IGFBP7: variants seen among roughly 807,000 people sequenced by gnomAD.
The protein encoded by IGFBP7 is insulin like growth factor binding protein 7, also known as insulin-like growth factor-binding protein 7.
In IGFBP7, 31 loss-of-function variants were observed where a neutral mutation model predicts 29.4. The observed-to-expected ratio is 1.05, with a 90% CI of 0.79 to 1.42. IGFBP7 has a LOEUF of 1.42. IGFBP7 is among the 40% of genes most tolerant of loss of function. IGFBP7 has a pLI of 0.00. For missense variants in IGFBP7, 393 were observed against 395.5 expected, an observed-to-expected ratio of 0.99 and a Z score of 0.05; for synonymous variants, 172 against 174.9, an observed-to-expected ratio of 0.98 and a Z score of 0.13.
At chr4:57,064,784 A>C (rs536281493) in intron 1 of IGFBP7, among the ~76,000 whole-genome samples, 10 of 152,358 alleles carry the variant, frequency 6.6e-5, no homozygotes, top group African/African-American at 2.4e-4. Flanking sequence ...GCCTCAGCTC[A>C]TTCCTAGATA....
chr4:57,038,922 C>T (rs1326882776), intron 2 of IGFBP7, among the ~76,000 whole-genome samples: 1 of 151,936 alleles, frequency 6.6e-6, no homozygotes, highest in Admixed American at 6.6e-5. Context: ...CAAAGTTAGC[C>T]AGGCGTGGTG....
At chr4:57,108,165 C>T (rs1726081676) in intron 1 of IGFBP7, among the ~76,000 whole-genome samples, 1 of 152,146 alleles carries the variant, frequency 6.6e-6, no homozygotes, top group Admixed American at 6.6e-5. Context: ...TTTTGGGTTG[C>T]AATTTTCTAA....
intron 1 of IGFBP7, among the ~76,000 whole-genome samples, chr4:57,043,885 A>G (rs1460001092): frequency 1.3e-5 from 2 of 152,062 alleles, no homozygotes; most frequent in Admixed American, 1.3e-4. Flanking sequence ...GGGCTATGGG[A>G]CCCCAAGGGT....
intron 1 of IGFBP7, among the ~76,000 whole-genome samples, chr4:57,060,778 G>A (rs376893217): frequency 6.6e-6 from 1 of 152,196 alleles, no homozygotes; most frequent in African/African-American, 2.4e-5. Flanking sequence ...AATTAGCCAG[G>A]CGTGGTGGTG....
chr4:57,068,168 T>C (rs1244344082), intron 1 of IGFBP7, among the ~76,000 whole-genome samples: 1 of 151,814 alleles, frequency 6.6e-6, no homozygotes, highest in African/African-American at 2.4e-5. Context: ...TGCATGCCTA[T>C]AGTCCTAGAT....
At chr4:57,067,037 C>A (rs1323490741) in intron 1 of IGFBP7, among the ~76,000 whole-genome samples, 2 of 148,780 alleles carry the variant, frequency 1.3e-5, no homozygotes, top group Non-Finnish European at 3.0e-5. Context: ...GGGTAAAAAA[C>A]CAAAAACAAA....
chr4:57,074,058 TCTCTCTCTC>T (rs386674695), intron 1 of IGFBP7, among the ~76,000 whole-genome samples: 8 of 148,734 alleles, frequency 5.4e-5, no homozygotes, highest in Non-Finnish European at 1.1e-4. Flanking sequence ...TCTCTCTCTC[TCTCTCTCTC>T]TTTTTTCTTT....
intron 1 of IGFBP7, among the ~76,000 whole-genome samples, chr4:57,051,477 A>G (rs28507738): frequency 6.6e-6 from 1 of 152,238 alleles, no homozygotes; most frequent in Non-Finnish European, 1.5e-5. Context: ...AGTCATTTCC[A>G]CTTTAGTGTG....
Position 57,030,911 on chromosome 4 carries a change from C to A in IGFBP7, c.*406G>T. On this transcript the variant is annotated 3_prime_UTR_variant, in exon 5 of 5. Transcript: ENST00000295666. ...TTTTTCTTTTCAGATTTCTTTGGTG[C>A]GAATGCCTTACGCATGCAAACTATT... 1.9e-6 allele frequency: 3 copies of A among 1,601,390 alleles called. No homozygotes were observed. Among genetic ancestry groups the A allele is most frequent in the Non-Finnish European group, 2.6e-6 (3 of 1,168,448 alleles).
In IGFBP7 at chr4:57,109,507, A is replaced by G. The variant is rs146109239; in HGVS notation, c.475+370T>C. On this transcript the variant is annotated intron_variant, in intron 1 of 4. Transcript: ENST00000295666. Reference sequence around the variant, plus strand: ...CTCCTTTCCCCCATCTCTTGACTTCACCTCTCTCTACATCCCCAAGCCAAG... The same window carrying G: ...CTCCTTTCCCCCATCTCTTGACTTCGCCTCTCTCTACATCCCCAAGCCAAG... Among the ~76,000 whole-genome samples the G allele has an allele frequency of 1.2e-3, 176 of 152,102 alleles. 1 individual carries two copies. Among genetic ancestry groups the G allele is most frequent in the African/African-American group, 3.8e-3 (159 of 41,498 alleles).
rs554414726 is a variant in IGFBP7 at position 57,098,820 on chromosome 4, A to G, written c.475+11057T>C. ...CTTTGGAAGCCAGGGGTGCAGTGTA[A>G]TTGCTGCATCTGCTATTGAAATTCA... On this transcript the variant is annotated intron_variant, in intron 1 of 4. Coordinates refer to ENST00000295666, the MANE Select transcript of IGFBP7 (RefSeq NM_001553.3). Among the ~76,000 whole-genome samples, 5 of 152,282 alleles carry G rather than the reference A, an allele frequency of 3.3e-5. 1 individual carries two copies. In the East Asian group the frequency reaches 9.7e-4, roughly 29 times the overall value.
At chr4:57,087,000 C>T (rs757713541) in intron 1 of IGFBP7, among the ~76,000 whole-genome samples, 1 of 152,226 alleles carries the variant, frequency 6.6e-6, no homozygotes, top group African/African-American at 2.4e-5. Flanking sequence ...TCCCAAAGTG[C>T]TGGGACCACA....
intron 1 of IGFBP7, among the ~76,000 whole-genome samples, chr4:57,096,156 G>A (rs762092522): frequency 3.1e-4 from 47 of 151,190 alleles, no homozygotes; most frequent in African/African-American, 9.0e-4. Context: ...ACATATTTCC[G>A]TTCTGTCTGA....
intron 1 of IGFBP7, among the ~76,000 whole-genome samples, chr4:57,042,060 C>T (rs370507776): frequency 6.6e-6 from 1 of 152,284 alleles, no homozygotes; most frequent in East Asian, 1.9e-4. Context: ...CAAGCCACGG[C>T]CTAAATAGAG....
At chr4:57,086,217 G>T (rs1025901359) in intron 1 of IGFBP7, among the ~76,000 whole-genome samples, 9 of 152,170 alleles carry the variant, frequency 5.9e-5, no homozygotes, top group African/African-American at 2.2e-4. Flanking sequence ...TCACTGTCAT[G>T]AGAACAGCAT....
intron 1 of IGFBP7, among the ~76,000 whole-genome samples, chr4:57,106,487 T>C (rs1358938353): frequency 3.3e-5 from 5 of 152,154 alleles, no homozygotes; most frequent in Non-Finnish European, 1.5e-5. Context: ...GAAGTGTGAA[T>C]AGCAGACACT....
At chr4:57,067,368 A>C (rs1408884495) in intron 1 of IGFBP7, among the ~76,000 whole-genome samples, 2 of 152,218 alleles carry the variant, frequency 1.3e-5, no homozygotes, top group African/African-American at 2.4e-5. Context: ...TTAAGAAATA[A>C]TAAGTGAGAT....
At chr4:57,039,115 T>C (rs928867631) in intron 2 of IGFBP7, among the ~76,000 whole-genome samples, 1 of 149,910 alleles carries the variant, frequency 6.7e-6, no homozygotes, top group Non-Finnish European at 1.5e-5. Flanking sequence ...TATGGTATAA[T>C]TGTGAGGTGT....
At chr4:57,081,116 T>C (rs949219041) in intron 1 of IGFBP7, among the ~76,000 whole-genome samples, 2 of 152,156 alleles carry the variant, frequency 1.3e-5, no homozygotes, top group Admixed American at 1.3e-4. Context: ...CCAACCTGGG[T>C]ACTTAAAATG....
Sources: allele counts gnomAD v4.1 joint callset (sites outside exome capture counted in the v4.1 genomes callset), GRCh38; gene constraint gnomAD v4.1.1; transcripts MANE v1.5; gene names NCBI Gene and HGNC (gene_info 2026-07-23, HGNC 2026-07-21).